MAP3K4: variants seen among roughly 807,000 people sequenced by gnomAD.
The protein encoded by MAP3K4 is mitogen-activated protein kinase kinase kinase 4.
Under a neutral mutation model 185.6 loss-of-function variants are expected in MAP3K4, and 67 were observed. That is an observed-to-expected ratio of 0.36 (90% CI 0.30 to 0.44). The LOEUF (loss-of-function observed/expected upper bound fraction) is 0.44, where lower values mean the gene tolerates loss of function less well. MAP3K4 is among the 20% of genes least tolerant of loss of function. MAP3K4 has a pLI of 1.00. For synonymous variants in MAP3K4, 702 were observed against 710.4 expected (o/e 0.99, Z 0.19); for missense variants, 1,551 against 1,995.1 (o/e 0.78, Z 4.24).
chr6:161,020,907 A>G (rs1782357107), intron 1 of MAP3K4, among the ~76,000 whole-genome samples: 2 of 152,202 alleles, frequency 1.3e-5, no homozygotes, highest in Admixed American at 1.3e-4. Context: ...TTTAAGCCCC[A>G]CATTTCCAGT....
In MAP3K4 at chr6:161,104,906, T is replaced by C. The variant is rs768340573; in HGVS notation, c.3857-1608T>C. ...AATGAGTGTAATAAGAAATTATAAC[T>C]GGACCATTATAAATCTTTTAGAATT... On this transcript the variant is annotated intron_variant, in intron 19 of 26. Transcript: ENST00000392142. Among the ~76,000 whole-genome samples the C allele has an allele frequency of 2.3e-4, 35 of 152,190 alleles. 1 individual carries two copies. Among genetic ancestry groups the C allele is most frequent in the Admixed American group, 1.7e-3 (26 of 15,280 alleles).
chr6:161,066,410 C>CTT (rs1325667311), intron 3 of MAP3K4, among the ~76,000 whole-genome samples: 2 of 141,832 alleles, frequency 1.4e-5, no homozygotes, highest in African/African-American at 5.1e-5. Flanking sequence ...TTCATCTTTT[C>CTT]TTTTTTTTTT....
rs1206167517 is a variant in MAP3K4 at position 161,022,027 on chromosome 6, AAAAG to A, written c.153-12228_153-12225del. ...CCTTATAGAATCCTGTTTTCAATGA[AAAAG>A]AAAAAAGAAGAGTTGTTGTTAATTC... is the stretch of plus-strand genomic sequence containing the variant. On this transcript the variant is annotated intron_variant, in intron 1 of 26. Coordinates refer to ENST00000392142, the MANE Select transcript of MAP3K4 (RefSeq NM_005922.4). The surrounding 1 kb of genome is among the most constrained non-coding windows in gnomAD (Gnocchi z 4.2). Among the ~76,000 whole-genome samples the A allele has an allele frequency of 1.3e-5, 2 of 152,202 alleles. No individual in the cohort carries two copies. Among genetic ancestry groups the A allele is most frequent in the African/African-American group, 4.8e-5 (2 of 41,460 alleles).
At chr6:161,038,233 A>C (rs1400867252) in intron 2 of MAP3K4, among the ~76,000 whole-genome samples, 1 of 152,212 alleles carries the variant, frequency 6.6e-6, no homozygotes, top group Non-Finnish European at 1.5e-5. Context: ...AATGACCAAC[A>C]GTACAGGCTC....
rs1054355589 is a variant in MAP3K4, at chr6:161,034,958, T to C, written c.343+509T>C. Among the ~76,000 whole-genome samples, 22 of 152,134 alleles carry C rather than the reference T, an allele frequency of 1.4e-4. No homozygotes were observed. Among genetic ancestry groups the C allele is most frequent in the African/African-American group, 2.4e-4 (10 of 41,430 alleles). Reference sequence around the variant, plus strand: ...ACAGTGACCCCACACCTAACAACCATGACAGAACCTGCTTTCTACTTTTCT... The same window carrying C: ...ACAGTGACCCCACACCTAACAACCACGACAGAACCTGCTTTCTACTTTTCT... On this transcript the variant is annotated intron_variant, in intron 2 of 26. Coordinates refer to ENST00000392142, the MANE Select transcript of MAP3K4 (RefSeq NM_005922.4). This position sits in a 1 kb window ranked among gnomAD's most constrained non-coding sequence, Gnocchi z 4.4.
intron 1 of MAP3K4, among the ~76,000 whole-genome samples, chr6:161,019,549 G>A (rs1782277027): frequency 6.6e-6 from 1 of 152,174 alleles, no homozygotes; most frequent in South Asian, 2.1e-4. Flanking sequence ...TGGAATTACA[G>A]GCGTGTGCTA....
Position 161,116,733 on chromosome 6 carries a change from A to G in MAP3K4, c.4807-117A>G, listed in dbSNP as rs1011940736. 1 of 828,168 alleles carries G rather than the reference A, an allele frequency of 1.2e-6. No homozygotes were observed. The highest frequency in any genetic ancestry group is 2.0e-6 in the Non-Finnish European group (1 of 491,208). The allele number at this position is 828,168 out of a possible 1,614,324, so 51.3% of individuals were successfully genotyped here. A position where few individuals can be genotyped will look rare whatever the true frequency, so the allele number is the denominator to read the frequency against. Reference sequence around the variant, plus strand: ...AAGCCTTGCCCTCTGTGCCCAGTACAGTGCTGGGAGCATCAGGATGAGTGG... The same window carrying G: ...AAGCCTTGCCCTCTGTGCCCAGTACGGTGCTGGGAGCATCAGGATGAGTGG... On this transcript the variant is annotated intron_variant, in intron 26 of 26. Transcript: ENST00000392142. The surrounding 1 kb of genome is among the most constrained non-coding windows in gnomAD (Gnocchi z 6.2).
chr6:161,048,117 G>A lies in MAP3K4; in HGVS notation c.344-499G>A, dbSNP rs1783821527. The A allele has an allele frequency of 9.8e-6, 4 of 406,664 alleles. No individual in the cohort carries two copies. The highest frequency in any genetic ancestry group is 9.6e-6 in the Non-Finnish European group (2 of 207,758). 25.2% of individuals were successfully genotyped at this position (406,664 alleles called of 1,614,324 possible). A position where few individuals can be genotyped will look rare whatever the true frequency, so the allele number is the denominator to read the frequency against. Reference sequence around the variant, plus strand: ...TGAGAATAATCTTAGGGTGCCTTAAGTATTCTTGCATCAATGTGCCTAATT... The same window carrying A: ...TGAGAATAATCTTAGGGTGCCTTAAATATTCTTGCATCAATGTGCCTAATT... On this transcript the variant is annotated intron_variant, in intron 2 of 26. Coordinates refer to ENST00000392142, the MANE Select transcript of MAP3K4 (RefSeq NM_005922.4). This position sits in a 1 kb window ranked among gnomAD's most constrained non-coding sequence, Gnocchi z 4.7.
At chr6:161,042,024 C>T (rs1783491141) in intron 2 of MAP3K4, among the ~76,000 whole-genome samples, 1 of 146,148 alleles carries the variant, frequency 6.8e-6, no homozygotes, top group Non-Finnish European at 1.5e-5. Context: ...TCCAGAGTAG[C>T]TGACCCTCCT....
chr6:161,033,039 A>C (rs1291826024), intron 1 of MAP3K4, among the ~76,000 whole-genome samples: 1 of 152,180 alleles, frequency 6.6e-6, no homozygotes, highest in Admixed American at 6.5e-5. Flanking sequence ...TTCAAAAGGT[A>C]ATTTATTTTC....
Position 161,074,526 on chromosome 6 carries a change from A to G in MAP3K4, c.2097+914A>G, listed in dbSNP as rs904151676. ...TTTTAGCAGTTACAGTTAGAACTATATGGTTTAACATTTAAACAGAGACTC... is the reference window on the plus strand; with the variant it reads ...TTTTAGCAGTTACAGTTAGAACTATGTGGTTTAACATTTAAACAGAGACTC... On this transcript the variant is annotated intron_variant, in intron 5 of 26. Coordinates refer to ENST00000392142, the MANE Select transcript of MAP3K4 (RefSeq NM_005922.4). This position sits in a 1 kb window ranked among gnomAD's most constrained non-coding sequence, Gnocchi z 5.0. Among the ~76,000 whole-genome samples, 1 of 152,238 alleles carries G rather than the reference A, an allele frequency of 6.6e-6. No individual in the cohort carries two copies. Among genetic ancestry groups the G allele is most frequent in the African/African-American group, 2.4e-5 (1 of 41,470 alleles).
At position 161,082,979 on chromosome 6, in the gene MAP3K4, A is replaced by G. The variant is rs1344063035; in HGVS notation, c.2256-1522A>G. ...GCCTAACAATGGCCCGCAAGGCCTGACATGGTCCTATTTCTCATTACGTCT... is the reference window on the plus strand; with the variant it reads ...GCCTAACAATGGCCCGCAAGGCCTGGCATGGTCCTATTTCTCATTACGTCT... On this transcript the variant is annotated intron_variant, in intron 6 of 26. Coordinates refer to ENST00000392142, the MANE Select transcript of MAP3K4 (RefSeq NM_005922.4). This position sits in a 1 kb window ranked among gnomAD's most constrained non-coding sequence, Gnocchi z 4.2. Among the ~76,000 whole-genome samples, 1 of 152,172 alleles carries G rather than the reference A, an allele frequency of 6.6e-6. No individual in the cohort carries two copies. The highest frequency in any genetic ancestry group is 6.5e-5 in the Admixed American group (1 of 15,282).
Position 161,097,781 on chromosome 6 carries a change from G to GTT in MAP3K4, c.3525-488_3525-487dup, listed in dbSNP as rs11458275. Among the ~76,000 whole-genome samples, 52 of 150,028 alleles carry GTT rather than the reference G, an allele frequency of 3.5e-4. No individual in the cohort carries two copies. Among genetic ancestry groups the GTT allele is most frequent in the Admixed American group, 6.0e-4 (9 of 15,112 alleles). ...TGCTAGATAAGGACCACAGTTTTTT[G>GTT]TTTTTTTTTTAAAGCTTTGAGGGGA... On this transcript the variant is annotated intron_variant, in intron 16 of 26. Coordinates refer to ENST00000392142, the MANE Select transcript of MAP3K4 (RefSeq NM_005922.4). This position sits in a 1 kb window ranked among gnomAD's most constrained non-coding sequence, Gnocchi z 4.9.
At chr6:161,066,389 A>G (rs1213915360) in intron 3 of MAP3K4, among the ~76,000 whole-genome samples, 2 of 148,614 alleles carry the variant, frequency 1.3e-5, no homozygotes, top group African/African-American at 5.1e-5. Flanking sequence ...GTTTTTACTC[A>G]AAGTTTCCAT....
At chr6:161,000,876 T>C (rs1476654475) in intron 1 of MAP3K4, among the ~76,000 whole-genome samples, 2 of 149,792 alleles carry the variant, frequency 1.3e-5, no homozygotes, top group East Asian at 1.9e-4. Context: ...CACATACATA[T>C]ATGTATATTA....
At position 161,091,394 on chromosome 6, in the gene MAP3K4, C is replaced by T. The variant is rs1249326946; in HGVS notation, c.2989C>T (p.Leu997=). The T allele has an allele frequency of 1.9e-6, 3 of 1,613,452 alleles. 1 individual carries two copies. The South Asian group carries it at 3.3e-5, about 18-fold the overall frequency. Residue 997 remains leucine (L), a synonymous_variant, in exon 12 of 27, where the codon CTA becomes TTA. Transcript: ENST00000392142. This position sits in a 1 kb window ranked among gnomAD's most constrained non-coding sequence, Gnocchi z 5.5. ...LQQLKNDALE[L]CNRISNAIDR... is the part of the protein sequence containing the mutation. ...GACTCTTCAGAATGATGCATTGGAGCTATGCAACAGGATAAGCAATGCCAT... is the reference window on the plus strand; with the variant it reads ...GACTCTTCAGAATGATGCATTGGAGTTATGCAACAGGATAAGCAATGCCAT...
intron 2 of MAP3K4, among the ~76,000 whole-genome samples, chr6:161,039,279 C>CAAAAAAAAAAA (rs3050259): frequency 9.3e-4 from 67 of 71,674 alleles, no homozygotes; most frequent in Middle Eastern, 0.01. Context: ...CGCAAAAATG[C>CAAAAAAAAAAA]AAAAAAAAAA....
chr6:161,070,743 G>A lies in MAP3K4; in HGVS notation c.1843G>A (p.Ala615Thr), dbSNP rs1784902951. The A allele has an allele frequency of 1.2e-6, 2 of 1,614,174 alleles. No individual in the cohort carries two copies. The highest frequency in any genetic ancestry group is 1.7e-6 in the Non-Finnish European group (2 of 1,180,034). ...KAMDLPSFEPAFLVLCRVLLN... is the reference protein window; with the variant it reads ...KAMDLPSFEPTFLVLCRVLLN... ...CATGGATTTACCTTCATTCGAACCT[G>A]CCTTCCTAGTTCTCTGCCGAGTCCT... is the stretch of plus-strand genomic sequence containing the variant. Residue 615 changes from alanine to threonine, a missense_variant, in exon 4 of 27, where the codon GCC (alanine) becomes ACC (threonine). Physicochemically the swap from Ala to Thr is moderately conservative, Grantham distance 58 (BLOSUM62 0). Coordinates refer to ENST00000392142, the MANE Select transcript of MAP3K4 (RefSeq NM_005922.4). The surrounding 1 kb of genome is among the most constrained non-coding windows in gnomAD (Gnocchi z 4.5).
rs1271034738 is a variant in MAP3K4, at chr6:161,071,236, T to C, written c.1950+386T>C. Among the ~76,000 whole-genome samples the C allele has an allele frequency of 2.0e-5, 3 of 152,224 alleles. No homozygotes were observed. Among genetic ancestry groups the C allele is most frequent in the Non-Finnish European group, 4.4e-5 (3 of 68,038 alleles). ...TAGGCATGGGGAGGGGTTTGGACTT[T>C]CTGCTTGCTTAAGCAGTGGTATGGT... On this transcript the variant is annotated intron_variant, in intron 4 of 26. Transcript: ENST00000392142. This position sits in a 1 kb window ranked among gnomAD's most constrained non-coding sequence, Gnocchi z 4.6.
Sources: allele counts gnomAD v4.1 joint callset (sites outside exome capture counted in the v4.1 genomes callset), GRCh38; gene constraint gnomAD v4.1.1; non-coding constraint Gnocchi (gnomAD v3.1); transcripts MANE v1.5; gene names NCBI Gene and HGNC (gene_info 2026-07-23, HGNC 2026-07-21).